MCTP1: variants seen among roughly 807,000 people sequenced by gnomAD.
MCTP1 encodes multiple C2 and transmembrane domain containing 1, also known as multiple C2 and transmembrane domain-containing protein 1.
A neutral mutation model predicts 120.6 loss-of-function variants in MCTP1; 69 were observed. The ratio of observed to expected loss-of-function variants is 0.57; its 90% CI spans 0.47 to 0.70. MCTP1 has a LOEUF of 0.70. Ranked by LOEUF, MCTP1 falls within the 30% of genes least tolerant of loss-of-function variation. The probability of loss-of-function intolerance (pLI) is 0.00; values close to 1 mark genes in which losing one functional copy is unlikely to be tolerated. For synonymous variants in MCTP1, 529 were observed against 493.1 expected (o/e 1.07, Z -0.96); for missense variants, 1,203 against 1,248.8 (o/e 0.96, Z 0.55).
intron 1 of MCTP1, among the ~76,000 whole-genome samples, chr5:95,217,701 A>G (rs1010779627): frequency 2.6e-5 from 4 of 152,142 alleles, no homozygotes; most frequent in African/African-American, 9.7e-5. Flanking sequence ...TTATATGGAA[A>G]CCTAAAAAAG....
chr5:94,707,982 A>G (rs1170780937), intron 22 of MCTP1, among the ~76,000 whole-genome samples: 1 of 151,800 alleles, frequency 6.6e-6, no homozygotes, highest in African/African-American at 2.4e-5. Flanking sequence ...TTAAAAAAAA[A>G]AAAACAAACT....
intron 1 of MCTP1, among the ~76,000 whole-genome samples, chr5:95,243,037 G>T (rs938535977): frequency 6.6e-6 from 1 of 152,134 alleles, no homozygotes; most frequent in Admixed American, 6.6e-5. Flanking sequence ...CCCAGCACTA[G>T]GAGGGACACA....
intron 1 of MCTP1, among the ~76,000 whole-genome samples, chr5:95,144,125 A>C (rs1326112492): frequency 6.6e-6 from 1 of 152,100 alleles, no homozygotes; most frequent in Non-Finnish European, 1.5e-5. Context: ...TTGGTATCTC[A>C]CTGTGGTTTT....
At chr5:95,222,394 TAGC>T (rs1753791161) in intron 1 of MCTP1, among the ~76,000 whole-genome samples, 1 of 152,272 alleles carries the variant, frequency 6.6e-6, no homozygotes, top group South Asian at 2.1e-4. Flanking sequence ...GGAGGACAAT[TAGC>T]AGTCTCTGCT....
At chr5:94,996,650 A>C (rs1473949437) in intron 2 of MCTP1, among the ~76,000 whole-genome samples, 1 of 152,174 alleles carries the variant, frequency 6.6e-6, no homozygotes, top group Non-Finnish European at 1.5e-5. Flanking sequence ...ATGGCAAGAA[A>C]AATTGTACAT....
chr5:94,879,541 TGA>T (rs1351367011), intron 12 of MCTP1, among the ~76,000 whole-genome samples: 3 of 152,118 alleles, frequency 2.0e-5, no homozygotes, highest in African/African-American at 7.2e-5. Context: ...TAAAAATTAT[TGA>T]GGATCTCAAA....
Position 95,052,052 on chromosome 5 carries a change from GA to G in MCTP1, c.721-34569del, listed in dbSNP as rs1425697563. ...ACCTAAAAGTTAAAAAACAAAAAAA[GA>G]ATACAAAATGAGCTGCAAGAGGGTA... On this transcript the variant is annotated intron_variant, in intron 1 of 22. Coordinates refer to ENST00000515393, the MANE Select transcript of MCTP1 (RefSeq NM_024717.7). Among the ~76,000 whole-genome samples the G allele has an allele frequency of 4.6e-5, 7 of 152,110 alleles. No homozygotes were observed. The East Asian group carries it at 1.4e-3, about 29-fold the overall frequency.
intron 19 of MCTP1, among the ~76,000 whole-genome samples, chr5:94,771,886 A>C (rs1240793984): frequency 2.6e-5 from 4 of 152,178 alleles, no homozygotes; most frequent in Non-Finnish European, 4.4e-5. Flanking sequence ...TCACTGGGCT[A>C]AAAATGAAGG....
Position 95,097,389 on chromosome 5 carries a change from G to A in MCTP1, c.721-79905C>T, listed in dbSNP as rs560546163. Among the ~76,000 whole-genome samples the A allele has an allele frequency of 2.0e-4, 30 of 152,304 alleles. No homozygotes were observed. The South Asian group carries it at 5.8e-3, about 29-fold the overall frequency. ...GAAGCGGATATGGCGAGAACCAGGG[G>A]AAGATTGTAAGATTGATTCAGGAAC... On this transcript the variant is annotated intron_variant, in intron 1 of 22. Transcript: ENST00000515393.
chr5:95,163,553 A>C (rs1745984314), intron 1 of MCTP1, among the ~76,000 whole-genome samples: 1 of 152,246 alleles, frequency 6.6e-6, no homozygotes, highest in African/African-American at 2.4e-5. Flanking sequence ...GGACTGCCTA[A>C]CACGTGTTGG....
chr5:94,799,983 A>T (rs977931218), intron 17 of MCTP1, among the ~76,000 whole-genome samples: 4 of 152,058 alleles, frequency 2.6e-5, no homozygotes, highest in African/African-American at 9.7e-5. Flanking sequence ...TTTGCTGTCA[A>T]ATTAAGGTAA....
intron 1 of MCTP1, among the ~76,000 whole-genome samples, chr5:95,122,095 C>G (rs373680754): frequency 6.6e-6 from 1 of 152,148 alleles, no homozygotes; most frequent in East Asian, 1.9e-4. Context: ...GAGCAAAGAT[C>G]GTTTGAGTAA....
chr5:95,207,532 G>A (rs1256771950), intron 1 of MCTP1, among the ~76,000 whole-genome samples: 1 of 152,174 alleles, frequency 6.6e-6, no homozygotes, highest in Non-Finnish European at 1.5e-5. Context: ...ACAAAATGAA[G>A]TGGGTCAGAG....
chr5:95,006,473 T>C (rs1834787332), intron 2 of MCTP1, among the ~76,000 whole-genome samples: 1 of 152,130 alleles, frequency 6.6e-6, no homozygotes, highest in South Asian at 2.1e-4. Flanking sequence ...GGCAAAACAC[T>C]GTTTAAAGAA....
At chr5:94,918,007 G>T in intron 7 of MCTP1, 34 bp from the exon 8 acceptor site, 1 of 1,558,900 alleles carries the variant, frequency 6.4e-7, no homozygotes, top group Non-Finnish European at 8.9e-7. Context: ...GCTGTACGGG[G>T]AAGCTTTGTA....
At chr5:95,003,789 T>A (rs1025355733) in intron 2 of MCTP1, among the ~76,000 whole-genome samples, 6 of 152,178 alleles carry the variant, frequency 3.9e-5, no homozygotes, top group African/African-American at 1.4e-4. Flanking sequence ...AATTACCCAG[T>A]CTCAGGTATG....
intron 17 of MCTP1, among the ~76,000 whole-genome samples, chr5:94,852,735 A>T (rs1793995556): frequency 6.6e-6 from 1 of 151,962 alleles, no homozygotes; most frequent in Admixed American, 6.6e-5. Context: ...TTCTCATGCT[A>T]AATATGAACA....
At chr5:95,086,594 A>G (rs901199796) in intron 1 of MCTP1, among the ~76,000 whole-genome samples, 2 of 152,226 alleles carry the variant, frequency 1.3e-5, no homozygotes, top group African/African-American at 4.8e-5. Context: ...TGACATTTCT[A>G]TCTTCTCAAG....
intron 1 of MCTP1, among the ~76,000 whole-genome samples, chr5:95,059,747 T>C (rs566174697): frequency 2.8e-4 from 43 of 151,900 alleles, no homozygotes; most frequent in African/African-American, 8.7e-4. Context: ...AAAAAGAAAA[T>C]GTGCAGGGTG....
Sources: gnomAD v4.1 joint callset for allele counts (sites outside exome capture counted in the v4.1 genomes callset) on GRCh38, gnomAD v4.1.1 for gene constraint, MANE v1.5 for transcripts, NCBI Gene and HGNC (gene_info 2026-07-23, HGNC 2026-07-21) for gene names.